The following ARMH3 variants were observed in gnomAD, a reference collection of about 807,000 sequenced individuals.
The protein encoded by ARMH3 is armadillo-like helical domain-containing protein 3.
In ARMH3, 60 loss-of-function variants were observed where a neutral mutation model predicts 99.1. The ratio of observed to expected loss-of-function variants is 0.61; its 90% confidence interval spans 0.49 to 0.75. The LOEUF (loss-of-function observed/expected upper bound fraction) is 0.75, where lower values mean the gene tolerates loss of function less well. ARMH3 is among the 30% of genes least tolerant of loss of function. The probability of loss-of-function intolerance (pLI) is 0.00; values close to 1 mark genes in which losing one functional copy is unlikely to be tolerated. For synonymous variants in ARMH3, 285 were observed against 292.8 expected (o/e 0.97, Z 0.27); for missense variants, 679 against 843.1 (o/e 0.81, Z 2.41).
intron 9 of ARMH3, among the ~76,000 whole-genome samples, chr10:102,013,316 G>A (rs2066672890): frequency 6.6e-6 from 1 of 152,206 alleles, no homozygotes; most frequent in African/African-American, 2.4e-5. Context: ...GTAAAGGCAA[G>A]TAGCATTCAA....
intron 23 of ARMH3, among the ~76,000 whole-genome samples, chr10:101,914,610 A>G (rs1047314504): frequency 1.3e-5 from 2 of 151,920 alleles, no homozygotes; most frequent in African/African-American, 4.8e-5. Context: ...TTATGCCTAT[A>G]ATCCCAGCAC....
chr10:101,852,898 T>A (rs527589584), intron 24 of ARMH3, among the ~76,000 whole-genome samples: 1 of 152,018 alleles, frequency 6.6e-6, no homozygotes, highest in East Asian at 1.9e-4. Context: ...TTTTTTTCTT[T>A]TTTTGAGACA....
intron 19 of ARMH3, among the ~76,000 whole-genome samples, chr10:101,984,942 G>T (rs1023504088): frequency 2.0e-5 from 3 of 151,722 alleles, no homozygotes; most frequent in Admixed American, 6.6e-5. Context: ...GGTGGTGCTT[G>T]CCTATAATCC....
chr10:101,985,141 A>C (rs1270875077), intron 19 of ARMH3, among the ~76,000 whole-genome samples: 2 of 150,862 alleles, frequency 1.3e-5, no homozygotes, highest in African/African-American at 4.9e-5. Flanking sequence ...ACATGTGTAC[A>C]TATATAAATA....
At chr10:101,960,932 G>A (rs1037631735) in intron 20 of ARMH3, among the ~76,000 whole-genome samples, 4 of 151,308 alleles carry the variant, frequency 2.6e-5, no homozygotes, top group Non-Finnish European at 5.9e-5. Context: ...ATAAAGGTGC[G>A]AGATCAAGCT....
chr10:102,029,527 C>T, intron 5 of ARMH3, 111 bp downstream of exon 5: 1 of 1,604,372 alleles, frequency 6.2e-7, no homozygotes, highest in Non-Finnish European at 8.5e-7. Flanking sequence ...CAAATTCAAT[C>T]ATCTGTATCT....
chr10:101,883,284 G>A (rs370301032), intron 24 of ARMH3, among the ~76,000 whole-genome samples: 3 of 152,168 alleles, frequency 2.0e-5, no homozygotes, highest in Non-Finnish European at 2.9e-5. Flanking sequence ...GGGCATGGTA[G>A]CATGCTCCTG....
intron 23 of ARMH3, among the ~76,000 whole-genome samples, chr10:101,931,950 C>T (rs1391374303): frequency 6.6e-6 from 1 of 152,126 alleles, no homozygotes; most frequent in Non-Finnish European, 1.5e-5. Flanking sequence ...TCAAAGGACA[C>T]CATCAATGAA....
chr10:101,918,975 TA>T (rs1186860399), intron 23 of ARMH3, among the ~76,000 whole-genome samples: 12 of 152,236 alleles, frequency 7.9e-5, no homozygotes, highest in African/African-American at 2.9e-4. Context: ...AGGCTTAACC[TA>T]AATCTAAATC....
At chr10:101,950,693 G>A (rs1428580863) in intron 22 of ARMH3, among the ~76,000 whole-genome samples, 2 of 152,318 alleles carry the variant, frequency 1.3e-5, no homozygotes, top group East Asian at 3.9e-4. Context: ...AAAGAAGCCA[G>A]TCACAAGAGA....
At chr10:101,892,123 C>A (rs894940182) in intron 23 of ARMH3, among the ~76,000 whole-genome samples, 4 of 151,180 alleles carry the variant, frequency 2.6e-5, no homozygotes, top group African/African-American at 9.7e-5. Context: ...CCGCAAAAAA[C>A]CCCACCCAAA....
Position 101,956,637 on chromosome 10 carries a change from A to G in ARMH3, c.1665T>C (p.Ile555=). ...PSSYDELYYE[I]IRMHQSFDNL... is the part of the protein sequence containing the mutation. ...TGTCAAAGCTCTGGTGCATGCGGAT[A>G]ATCTCATAGTAAAGTTCATCATAGC... Residue 555 remains isoleucine, a synonymous_variant, in exon 22 of 26, where the codon ATT becomes ATC. Transcript: ENST00000370033. The G allele has an allele frequency of 6.2e-7, 1 of 1,613,732 alleles. No homozygotes were observed. The highest frequency in any genetic ancestry group is 8.5e-7 in the Non-Finnish European group (1 of 1,179,628).
rs200170281 is a variant in ARMH3, at chr10:101,985,080, C to T, written c.1406+5471G>A. ...GAGACTCCATCTAAAAATATATATA[C>T]ACACACACACACACACACACACACA... On this transcript the variant is annotated intron_variant, in intron 19 of 25. Transcript: ENST00000370033. Among the ~76,000 whole-genome samples the T allele has an allele frequency of 3.7e-3, 318 of 85,324 alleles. 2 individuals carry two copies. The highest frequency in any genetic ancestry group is 0.025 in the South Asian group (76 of 3,056). The allele number at this position is 85,324 out of a possible 152,430, so 56.0% of individuals were successfully genotyped here. A position where few individuals can be genotyped will look rare whatever the true frequency, so the allele number is the denominator to read the frequency against.
intron 23 of ARMH3, among the ~76,000 whole-genome samples, chr10:101,929,020 C>G (rs1463978168): frequency 1.3e-5 from 2 of 152,072 alleles, no homozygotes; most frequent in Admixed American, 1.3e-4. Context: ...CATGAGCCAC[C>G]ACACCTGGCC....
chr10:101,976,590 C>T (rs1340460796), intron 19 of ARMH3, among the ~76,000 whole-genome samples: 1 of 152,072 alleles, frequency 6.6e-6, no homozygotes, highest in African/African-American at 2.4e-5. Context: ...AACTATTCTA[C>T]TCAAAGTGGT....
intron 24 of ARMH3, among the ~76,000 whole-genome samples, chr10:101,868,152 G>A (rs1057437159): frequency 1.3e-5 from 2 of 152,100 alleles, no homozygotes; most frequent in African/African-American, 2.4e-5. Flanking sequence ...AGAAATTCCA[G>A]AGCTAACAGA....
chr10:101,850,725 C>T (rs924555395), intron 24 of ARMH3, among the ~76,000 whole-genome samples: 6 of 152,150 alleles, frequency 3.9e-5, no homozygotes, highest in Admixed American at 2.0e-4. Flanking sequence ...GCACCCACCG[C>T]GACTTTCTCA....
At chr10:101,862,952 C>T (rs922025474) in intron 24 of ARMH3, among the ~76,000 whole-genome samples, 3 of 152,170 alleles carry the variant, frequency 2.0e-5, no homozygotes, top group African/African-American at 7.2e-5. Context: ...GCCTGTAATC[C>T]CAGCACTTTG....
intron 20 of ARMH3, among the ~76,000 whole-genome samples, chr10:101,965,279 C>A (rs1038960460): frequency 2.0e-5 from 3 of 152,208 alleles, no homozygotes; most frequent in Non-Finnish European, 2.9e-5. Context: ...TCTGTAACCT[C>A]TGCATAACTG....
Sources: gnomAD v4.1 joint callset for allele counts (sites outside exome capture counted in the v4.1 genomes callset) on GRCh38, gnomAD v4.1.1 for gene constraint, MANE v1.5 for transcripts, NCBI Gene and HGNC (gene_info 2026-07-23, HGNC 2026-07-21) for gene names.